Variants in IGFBP7 observed in about 807,000 individuals in gnomAD.
IGFBP7 encodes insulin-like growth factor-binding protein 7.
A neutral mutation model predicts 29.4 loss-of-function variants in IGFBP7; 31 were observed. The observed-to-expected ratio is 1.05, with a 90% CI of 0.79 to 1.42. IGFBP7 has a LOEUF of 1.42. IGFBP7 is among the 40% of genes most tolerant of loss of function. IGFBP7 has a pLI of 0.00. For synonymous variants in IGFBP7, 172 were observed against 174.9 expected (o/e 0.98, Z 0.13); for missense variants, 393 against 395.5 (o/e 0.99, Z 0.05).
chr4:57,077,302 C>T (rs1408558697), intron 1 of IGFBP7, among the ~76,000 whole-genome samples: 4 of 152,150 alleles, frequency 2.6e-5, no homozygotes, highest in Non-Finnish European at 5.9e-5. Context: ...GAGACAGAGT[C>T]TCACTCTGTC....
chr4:57,044,546 G>A (rs1226766992), intron 1 of IGFBP7, among the ~76,000 whole-genome samples: 3 of 152,152 alleles, frequency 2.0e-5, no homozygotes, highest in South Asian at 2.1e-4. Flanking sequence ...TGAGGCAGAG[G>A]TCAAGTTTCA....
At chr4:57,033,515 G>A (rs548711437) in intron 2 of IGFBP7, among the ~76,000 whole-genome samples, 31 of 152,006 alleles carry the variant, frequency 2.0e-4, no homozygotes, top group Non-Finnish European at 4.1e-4. Flanking sequence ...CCTGCTAAGC[G>A]TACATGTTTT....
intron 2 of IGFBP7, among the ~76,000 whole-genome samples, chr4:57,034,467 A>G (rs10030129): frequency 0.018 from 2,809 of 152,180 alleles, 88 homozygotes; most frequent in African/African-American, 0.063. Flanking sequence ...TACAACCTCA[A>G]ATAGCTAGTT....
At chr4:57,043,557 C>T (rs1724283244) in intron 1 of IGFBP7, among the ~76,000 whole-genome samples, 2 of 152,156 alleles carry the variant, frequency 1.3e-5, no homozygotes, top group South Asian at 4.1e-4. Flanking sequence ...CAAGATTTTC[C>T]CACTCATCTA....
chr4:57,109,809 G>T, intron 1 of IGFBP7, 68 bp downstream of exon 1: 1 of 1,470,446 alleles, frequency 6.8e-7, no homozygotes, highest in Admixed American at 2.4e-5. Flanking sequence ...CGCCGCGGAC[G>T]CCCCGTCGGA....
At chr4:57,087,209 T>C (rs1262689404) in intron 1 of IGFBP7, among the ~76,000 whole-genome samples, 2 of 152,232 alleles carry the variant, frequency 1.3e-5, no homozygotes, top group Non-Finnish European at 2.9e-5. Flanking sequence ...AAATGAGTCA[T>C]TCTTAATTCC....
At chr4:57,074,341 G>A (rs1714015) in intron 1 of IGFBP7, among the ~76,000 whole-genome samples, 18,119 of 152,158 alleles carry the variant, frequency 0.12, 1,531 homozygotes, top group Non-Finnish European at 0.18. Context: ...GATTACAGGC[G>A]TGAGCCACCT....
At chr4:57,101,674 T>C (rs1262202987) in intron 1 of IGFBP7, among the ~76,000 whole-genome samples, 1 of 152,082 alleles carries the variant, frequency 6.6e-6, no homozygotes, top group Non-Finnish European at 1.5e-5. Flanking sequence ...AAAAAATAAA[T>C]AAGTAAACGT....
At chr4:57,106,034 G>A (rs949926866) in intron 1 of IGFBP7, among the ~76,000 whole-genome samples, 3 of 151,010 alleles carry the variant, frequency 2.0e-5, no homozygotes, top group Non-Finnish European at 4.4e-5. Flanking sequence ...AGCCTCCCGA[G>A]TAGCTGGGAC....
chr4:57,098,516 GAA>G (rs955332209), intron 1 of IGFBP7, among the ~76,000 whole-genome samples: 2 of 152,172 alleles, frequency 1.3e-5, no homozygotes, highest in African/African-American at 2.4e-5. Context: ...CAGCAGTGCA[GAA>G]AGAGTCAAGT....
rs1416340260 is a variant in IGFBP7 at position 57,063,736 on chromosome 4, G to A, written c.476-22803C>T. Among the ~76,000 whole-genome samples the A allele has an allele frequency of 4.6e-5, 7 of 152,226 alleles. No homozygotes were observed. In the South Asian group the frequency reaches 6.2e-4, roughly 14 times the overall value. ...CAAATTGGTCCTCAGCTGTTTGTAG[G>A]TACAAACAGGTCAATGTTTGGGTAT... On this transcript the variant is annotated intron_variant, in intron 1 of 4. Coordinates refer to ENST00000295666, the MANE Select transcript of IGFBP7 (RefSeq NM_001553.3).
intron 1 of IGFBP7, among the ~76,000 whole-genome samples, chr4:57,041,865 C>A (rs1724234412): frequency 6.6e-6 from 1 of 152,008 alleles, no homozygotes; most frequent in African/African-American, 2.4e-5. Context: ...CAGAAGAGGC[C>A]CGGGTGTCGA....
At chr4:57,042,589 C>A (rs945259488) in intron 1 of IGFBP7, among the ~76,000 whole-genome samples, 1 of 152,168 alleles carries the variant, frequency 6.6e-6, no homozygotes, top group Non-Finnish European at 1.5e-5. Context: ...CTCAAGCGAT[C>A]CCCCCACCTT....
At chr4:57,044,200 C>T (rs944654667) in intron 1 of IGFBP7, among the ~76,000 whole-genome samples, 5 of 152,190 alleles carry the variant, frequency 3.3e-5, no homozygotes, top group African/African-American at 1.2e-4. Flanking sequence ...GTGTCCATCT[C>T]CCTATTGCCA....
intron 1 of IGFBP7, among the ~76,000 whole-genome samples, chr4:57,088,552 C>G (rs1402539665): frequency 1.3e-5 from 2 of 152,036 alleles, no homozygotes; most frequent in African/African-American, 2.4e-5. Flanking sequence ...CATAGTATGA[C>G]ATTTGAGGGC....
intron 1 of IGFBP7, among the ~76,000 whole-genome samples, chr4:57,065,137 C>T (rs1215213718): frequency 2.6e-5 from 4 of 152,272 alleles, no homozygotes; most frequent in African/African-American, 7.2e-5. Context: ...ACAAAACGTA[C>T]TGGGGAGAAC....
intron 1 of IGFBP7, among the ~76,000 whole-genome samples, chr4:57,056,665 C>T (rs1724681764): frequency 6.6e-6 from 1 of 152,180 alleles, no homozygotes; most frequent in Admixed American, 6.5e-5. Flanking sequence ...GCAAGTCACC[C>T]TTGCTTTTAT....
chr4:57,097,403 C>T (rs1057285304), intron 1 of IGFBP7, among the ~76,000 whole-genome samples: 1 of 152,270 alleles, frequency 6.6e-6, no homozygotes, highest in African/African-American at 2.4e-5. Flanking sequence ...GAAGTTTCCA[C>T]GAATTTTCTT....
At position 57,030,865 on chromosome 4, in the gene IGFBP7, A is replaced by G. The variant is rs1022958499; in HGVS notation, c.*452T>C. The G allele has an allele frequency of 5.5e-6, 7 of 1,278,344 alleles. No homozygotes were observed. Among genetic ancestry groups the G allele is most frequent in the South Asian group, 3.6e-5 (3 of 84,296 alleles). 79.2% of individuals were successfully genotyped at this position (1,278,344 alleles called of 1,614,324 possible). A position where few individuals can be genotyped will look rare whatever the true frequency, so the allele number is the denominator to read the frequency against. The stretch of plus-strand genomic sequence containing the variant: ...AGAGAAGTGGGGTCACTTCAATACA[A>G]TTCTGCTAATTACCATTTGTTTTTT... On this transcript the variant is annotated 3_prime_UTR_variant, in exon 5 of 5. Coordinates refer to ENST00000295666, the MANE Select transcript of IGFBP7 (RefSeq NM_001553.3).
Sources: gnomAD v4.1 joint callset for allele counts (sites outside exome capture counted in the v4.1 genomes callset) on GRCh38, gnomAD v4.1.1 for gene constraint, MANE v1.5 for transcripts, NCBI Gene and HGNC (gene_info 2026-07-23, HGNC 2026-07-21) for gene names.